TG: variants seen among roughly 807,000 people sequenced by gnomAD.
The protein encoded by TG is thyroid hormones.
TG carries 270 observed loss-of-function variants against 324.7 expected under a neutral mutation model. That is an observed-to-expected ratio of 0.83 (90% CI 0.75 to 0.92). The LOEUF (loss-of-function observed/expected upper bound fraction) is 0.92. Ranked by LOEUF, TG falls within the 40% of genes least tolerant of loss-of-function variation. TG has a pLI of 0.00. For missense variants in TG, 3,591 were observed against 3,456.4 expected (o/e 1.04, Z -0.98); for synonymous variants, 1,401 against 1,327.0 (o/e 1.06, Z -1.21).
rs548490326 is a variant in TG at position 132,898,343 on chromosome 8, C to G, written c.3217+97C>G. 8 of 1,220,090 alleles carry G rather than the reference C, an allele frequency of 6.6e-6. No homozygotes were observed. The East Asian group carries it at 2.0e-4, about 31-fold the overall frequency. 75.6% of individuals were successfully genotyped at this position (1,220,090 alleles called of 1,614,324 possible). On this transcript the variant is annotated intron_variant, in intron 13 of 47. Transcript: ENST00000220616. ...GCCTAACCGCTGGAGACTCCATGGC[C>G]CAGCCCTTCAGCCAGGTCCCGGGTG...
At chr8:133,011,826 T>C in intron 35 of TG, 75 bp from the exon 36 acceptor site, 1 of 1,604,798 alleles carries the variant, frequency 6.2e-7, no homozygotes, top group Non-Finnish European at 8.5e-7. Context: ...TTTGGGGATA[T>C]TGGGTAATAC....
At chr8:133,072,960 T>C (rs1220276656) in intron 41 of TG, 1 of 152,246 alleles carries the variant, frequency 6.6e-6, no homozygotes, top group East Asian at 1.9e-4. Context: ...ATTAATAGCT[T>C]TCTGCCTAGG....
intron 44 of TG, among the ~76,000 whole-genome samples, chr8:133,116,394 G>C (rs10088671): frequency 0.017 from 2,663 of 152,298 alleles, 69 homozygotes; most frequent in African/African-American, 0.059. Context: ...CTACCAGAGG[G>C]AACTGTGTAC....
At chr8:132,884,177 C>T (rs918960944) in intron 8 of TG, among the ~76,000 whole-genome samples, 2 of 152,224 alleles carry the variant, frequency 1.3e-5, no homozygotes, top group Non-Finnish European at 2.9e-5. Context: ...TCTACAATGA[C>T]CTTCCTGCCA....
intron 37 of TG, chr8:133,017,573 A>G: frequency 3.2e-6 from 2 of 619,616 alleles, no homozygotes; most frequent in Non-Finnish European, 5.8e-6. Context: ...AATAAAGATC[A>G]GCTGTTTTTG....
At chr8:132,868,960 C>T (rs1161726401) in intron 2 of TG, among the ~76,000 whole-genome samples, 2 of 152,214 alleles carry the variant, frequency 1.3e-5, no homozygotes, top group Non-Finnish European at 2.9e-5. Flanking sequence ...ACCTCCCTCC[C>T]TGCTGCTATC....
In TG at chr8:133,008,736, G is replaced by A. The variant is rs539426620; in HGVS notation, c.6263-3165G>A. Among the ~76,000 whole-genome samples, 3 of 152,346 alleles carry A rather than the reference G, an allele frequency of 2.0e-5. 1 individual carries two copies. The South Asian group carries it at 6.2e-4, about 32-fold the overall frequency. ...GGCTAAGCCGATTGGCTAAGCAAAAGGGTGTATTACTGGATCGTCTGTTTC... is the reference window on the plus strand; with the variant it reads ...GGCTAAGCCGATTGGCTAAGCAAAAAGGTGTATTACTGGATCGTCTGTTTC... On this transcript the variant is annotated intron_variant, in intron 35 of 47. Coordinates refer to ENST00000220616, the MANE Select transcript of TG (RefSeq NM_003235.5).
rs988376856 is a variant in TG, at chr8:133,044,918, C to T, written c.7239+14895C>T. The T allele has an allele frequency of 7.8e-6, 12 of 1,534,432 alleles. No homozygotes were observed. In the African/African-American group the frequency reaches 1.4e-4, roughly 17 times the overall value. ...ACCCCTCTGCATTCCAGACGGATGG[C>T]GCCACAGAGCAATTAGCTAAGAGGG... On this transcript the variant is annotated intron_variant, in intron 41 of 47. Coordinates refer to ENST00000220616, the MANE Select transcript of TG (RefSeq NM_003235.5).
chr8:133,131,724 G>T lies in TG; in HGVS notation c.7863-88G>T, dbSNP rs188983411. The T allele has an allele frequency of 2.5e-5, 40 of 1,575,272 alleles. 1 individual carries two copies. The highest frequency in any genetic ancestry group is 3.4e-5 in the Non-Finnish European group (39 of 1,155,314). Reference sequence around the variant, plus strand: ...TAAAGAAGGGAAAGTCTTGGTTTTGGAAGAAATATTTTTGTTTGTGTGTTT... The same window carrying T: ...TAAAGAAGGGAAAGTCTTGGTTTTGTAAGAAATATTTTTGTTTGTGTGTTT... On this transcript the variant is annotated intron_variant, in intron 45 of 47. Transcript: ENST00000220616.
At chr8:132,923,594 G>A (rs1380693236) in intron 22 of TG, 86 bp downstream of exon 22, 10 of 1,456,984 alleles carry the variant, frequency 6.9e-6, no homozygotes, top group Non-Finnish European at 7.4e-6. Flanking sequence ...AGAAGCTGGA[G>A]GTGCATTTGT....
intron 41 of TG, chr8:133,037,359 C>T (rs1837284422): frequency 6.6e-5 from 10 of 152,184 alleles, no homozygotes; most frequent in Admixed American, 6.5e-4. Flanking sequence ...CATTTTTCCT[C>T]ATATGGATGC....
intron 34 of TG, among the ~76,000 whole-genome samples, chr8:132,973,843 C>T (rs1416487691): frequency 6.6e-6 from 1 of 152,092 alleles, no homozygotes; most frequent in Non-Finnish European, 1.5e-5. Context: ...CCAACTTCTC[C>T]CACTAGTGGC....
At chr8:132,962,714 T>C (rs951840921) in intron 28 of TG, among the ~76,000 whole-genome samples, 2 of 152,252 alleles carry the variant, frequency 1.3e-5, no homozygotes, top group African/African-American at 4.8e-5. Flanking sequence ...CAGGGAGTTA[T>C]AAACAGCAAT....
At chr8:133,047,529 CT>C in intron 41 of TG, 1 of 406,826 alleles carries the variant, frequency 2.5e-6, no homozygotes, top group South Asian at 2.2e-5. Context: ...GCACAGCATG[CT>C]GCCTACACAC....
At chr8:133,080,352 G>A (rs1256681775) in intron 41 of TG, among the ~76,000 whole-genome samples, 1 of 152,114 alleles carries the variant, frequency 6.6e-6, no homozygotes, top group Non-Finnish European at 1.5e-5. Context: ...GCACTCATAG[G>A]GCTTAACATA....
At chr8:133,126,794 A>AC (rs1851553608) in intron 45 of TG, among the ~76,000 whole-genome samples, 2 of 150,670 alleles carry the variant, frequency 1.3e-5, no homozygotes, top group African/African-American at 4.9e-5. Flanking sequence ...TCAGCTTCTA[A>AC]AAAAAAAAAC....
rs753468842 is a variant in TG at position 133,095,060 on chromosome 8, C to T, written c.7256C>T (p.Ser2419Phe). 1.9e-5 allele frequency: 30 copies of T among 1,613,822 alleles called. No individual in the cohort carries two copies. Among genetic ancestry groups the T allele is most frequent in the Non-Finnish European group, 2.5e-5 (29 of 1,180,028 alleles). ...RAVLMGGSAL[S>F]PAAVISHERA... ...CTCTTCCAGGGAGGCTCCGCACTCT[C>T]CCCGGCCGCCGTCATCAGCCATGAG... Residue 2419 changes from serine (S) to phenylalanine (F), a missense_variant, in exon 42 of 48, where the codon TCC becomes TTC. Physicochemically the swap from Ser to Phe is radical, Grantham distance 155. Transcript: ENST00000220616.
intron 41 of TG, among the ~76,000 whole-genome samples, chr8:133,078,843 A>T (rs2739165): frequency 0.76 from 116,102 of 152,182 alleles, 45,175 homozygotes; most frequent in African/African-American, 0.89. Flanking sequence ...TCTCAGGTAG[A>T]GCATGAATGT....
intron 27 of TG, among the ~76,000 whole-genome samples, chr8:132,957,553 G>C (rs1414952693): frequency 6.6e-6 from 1 of 152,068 alleles, no homozygotes; most frequent in African/African-American, 2.4e-5. Flanking sequence ...AAGAGTCTCA[G>C]AGAGAGTGAA....
Sources: allele counts gnomAD v4.1 joint callset (sites outside exome capture counted in the v4.1 genomes callset), GRCh38; gene constraint gnomAD v4.1.1; transcripts MANE v1.5; gene names NCBI Gene and HGNC (gene_info 2026-07-23, HGNC 2026-07-21).